MAP2K5: variants seen among roughly 807,000 people sequenced by gnomAD.
MAP2K5 encodes dual specificity mitogen-activated protein kinase kinase 5.
In MAP2K5, 49 loss-of-function variants were observed where a neutral mutation model predicts 83.1. The observed-to-expected ratio is 0.59, with a 90% CI of 0.47 to 0.75. The LOEUF is 0.75. MAP2K5 is among the 30% of genes least tolerant of loss of function. MAP2K5 has a pLI of 0.00. For synonymous variants in MAP2K5, 202 were observed against 191.8 expected (o/e 1.05, Z -0.44); for missense variants, 457 against 557.5 (o/e 0.82, Z 1.82).
chr15:67,695,505 C>T (rs1379543960), intron 15 of MAP2K5, among the ~76,000 whole-genome samples: 4 of 152,160 alleles, frequency 2.6e-5, no homozygotes. Context: ...ACCTTCCTTC[C>T]TCTACCAAGT....
Position 67,807,032 on chromosome 15 carries a change from C to T in MAP2K5, c.*282C>T. Reference sequence around the variant, plus strand: ...AGGCTCCCAGGGTCCCTGCCCACTTCTGTTTTCCTAATGTTTTTCTCTATA... The same window carrying T: ...AGGCTCCCAGGGTCCCTGCCCACTTTTGTTTTCCTAATGTTTTTCTCTATA... On this transcript the variant is annotated 3_prime_UTR_variant, in exon 22 of 22. Coordinates refer to ENST00000178640, the MANE Select transcript of MAP2K5 (RefSeq NM_145160.3). The surrounding 1 kb of genome is among the most constrained non-coding windows in gnomAD (Gnocchi z 5.1). 7.8e-7 allele frequency: 1 copy of T among 1,280,850 alleles called. No individual in the cohort carries two copies. The highest frequency in any genetic ancestry group is 1.0e-6 in the Non-Finnish European group (1 of 966,394). 79.3% of individuals were successfully genotyped at this position (1,280,850 alleles called of 1,614,324 possible).
intron 1 of MAP2K5, chr15:67,549,061 A>C (rs2084454758): frequency 6.6e-7 from 1 of 1,520,428 alleles, no homozygotes; most frequent in Admixed American, 2.0e-5. Context: ...GCTGAGAAAT[A>C]CTGCGAGCGG....
At position 67,764,637 on chromosome 15, in the gene MAP2K5, G is replaced by A. The variant is rs2090008590; in HGVS notation, c.1135-4965G>A. 6.6e-6 allele frequency among the ~76,000 whole-genome samples: 1 copy of A among 152,160 alleles called. No homozygotes were observed. Among genetic ancestry groups the A allele is most frequent in the Admixed American group, 6.5e-5 (1 of 15,282 alleles). The stretch of plus-strand genomic sequence containing the variant: ...TGCCAGGCTCATTGCGTTCCACATG[G>A]TAGATGCCCACAAAAGCTGTTGAAT... On this transcript the variant is annotated intron_variant, in intron 19 of 21. Transcript: ENST00000178640. The surrounding 1 kb of genome is among the most constrained non-coding windows in gnomAD (Gnocchi z 4.9).
chr15:67,735,294 A>G (rs2089314482), intron 17 of MAP2K5, among the ~76,000 whole-genome samples: 1 of 152,218 alleles, frequency 6.6e-6, no homozygotes, highest in Admixed American at 6.5e-5. Flanking sequence ...AGAAATGTGA[A>G]ATTCTTCATT....
chr15:67,670,348 A>C, intron 13 of MAP2K5: 1 of 453,426 alleles, frequency 2.2e-6, no homozygotes, highest in Admixed American at 2.4e-5. Flanking sequence ...GCATGAAGGA[A>C]CATTTTGGTA....
rs2090315986 is a variant in MAP2K5, at chr15:67,780,778, A to G, written c.1242+8026A>G. On this transcript the variant is annotated intron_variant, in intron 21 of 21. Coordinates refer to ENST00000178640, the MANE Select transcript of MAP2K5 (RefSeq NM_145160.3). This position sits in a 1 kb window ranked among gnomAD's most constrained non-coding sequence, Gnocchi z 5.0. ...AGGGATAATATTCAAAACATTTAAC[A>G]ACCAGTATAGCATGAGGATTACCGT... Among the ~76,000 whole-genome samples the G allele has an allele frequency of 6.6e-6, 1 of 152,238 alleles. No homozygotes were observed. Among genetic ancestry groups the G allele is most frequent in the Admixed American group, 6.5e-5 (1 of 15,286 alleles).
chr15:67,706,091 G>A (rs1393980423), intron 16 of MAP2K5, among the ~76,000 whole-genome samples: 3 of 152,208 alleles, frequency 2.0e-5, no homozygotes, highest in Admixed American at 6.5e-5. Flanking sequence ...ACAGGCAGGT[G>A]TGGAAACAGG....
At chr15:67,756,693 C>A (rs1053695615) in intron 19 of MAP2K5, among the ~76,000 whole-genome samples, 1 of 151,932 alleles carries the variant, frequency 6.6e-6, no homozygotes, top group Admixed American at 6.6e-5. Flanking sequence ...TCCTCATTTC[C>A]CCCACCCTCC....
At chr15:67,800,947 A>G (rs900986948) in intron 21 of MAP2K5, among the ~76,000 whole-genome samples, 1 of 152,242 alleles carries the variant, frequency 6.6e-6, no homozygotes, top group Non-Finnish European at 1.5e-5. Context: ...ACAGATCACC[A>G]GTATTCAGTG....
At position 67,664,657 on chromosome 15, in the gene MAP2K5, G is replaced by C. The variant is rs747152165; in HGVS notation, c.847+12G>C. On this transcript the variant is annotated intron_variant, in intron 13 of 21. Transcript: ENST00000178640. ...GATTTTACATAGAGGTATGTGCTGG[G>C]CTTATAAGCTTGGATTTAATTTGGG... 1 of 1,591,736 alleles carries C rather than the reference G, an allele frequency of 6.3e-7. No individual in the cohort carries two copies. Among genetic ancestry groups the C allele is most frequent in the Non-Finnish European group, 8.6e-7 (1 of 1,161,654 alleles).
rs1049448007 is a variant in MAP2K5, at chr15:67,738,138, C to G, written c.1075-10093C>G. Among the ~76,000 whole-genome samples the G allele has an allele frequency of 1.3e-5, 2 of 152,148 alleles. No homozygotes were observed. The highest frequency in any genetic ancestry group is 2.9e-5 in the Non-Finnish European group (2 of 68,030). ...GAGTACTGGGATTACAGGCGTGAGC[C>G]ACTGCACTTGGCCTAGAATAGTCTT... is the stretch of plus-strand genomic sequence containing the variant. On this transcript the variant is annotated intron_variant, in intron 17 of 21. Transcript: ENST00000178640. The surrounding 1 kb of genome is among the most constrained non-coding windows in gnomAD (Gnocchi z 4.1).
chr15:67,549,671 G>C (rs571421840), intron 1 of MAP2K5, among the ~76,000 whole-genome samples: 1 of 152,130 alleles, frequency 6.6e-6, no homozygotes, highest in South Asian at 2.1e-4. Flanking sequence ...TCAGACCTAC[G>C]TCAGTCTGAC....
At chr15:67,600,783 G>C (rs184742154) in intron 8 of MAP2K5, 34 bp downstream of exon 8, 2 of 1,529,290 alleles carry the variant, frequency 1.3e-6, no homozygotes, top group African/African-American at 2.8e-5. Flanking sequence ...CTTTCTATCC[G>C]CTTTTCCAAA....
intron 3 of MAP2K5, among the ~76,000 whole-genome samples, chr15:67,575,498 C>T (rs889325575): frequency 2.6e-5 from 4 of 152,164 alleles, no homozygotes; most frequent in African/African-American, 9.7e-5. Flanking sequence ...TATAACCTAA[C>T]CTGCACAGGG....
At chr15:67,765,037 G>A (rs904940472) in intron 19 of MAP2K5, among the ~76,000 whole-genome samples, 11 of 152,154 alleles carry the variant, frequency 7.2e-5, no homozygotes, top group African/African-American at 2.4e-4. Context: ...CTTTCACCCA[G>A]TTTCCCTCAA....
rs543838573 is a variant in MAP2K5 at position 67,677,339 on chromosome 15, A to G, written c.847+12694A>G. On this transcript the variant is annotated intron_variant, in intron 13 of 21. Coordinates refer to ENST00000178640, the MANE Select transcript of MAP2K5 (RefSeq NM_145160.3). The surrounding 1 kb of genome is among the most constrained non-coding windows in gnomAD (Gnocchi z 4.2). ...TCCTCCTCTGTAAAATGGGGTTAAT[A>G]ATAGTACCTATCTCAAGGGTTACAA... 6.6e-6 allele frequency among the ~76,000 whole-genome samples: 1 copy of G among 152,340 alleles called. No individual in the cohort carries two copies. Among genetic ancestry groups the G allele is most frequent in the East Asian group, 1.9e-4 (1 of 5,192 alleles).
intron 8 of MAP2K5, among the ~76,000 whole-genome samples, chr15:67,608,093 T>C (rs2085820440): frequency 6.6e-6 from 1 of 152,210 alleles, no homozygotes. Flanking sequence ...CCAGCAAAAG[T>C]GGTTGTGATC....
rs1338331794 is a variant in MAP2K5 at position 67,560,388 on chromosome 15, G to C, written c.185-2895G>C. The stretch of plus-strand genomic sequence containing the variant: ...AAAACGACTAAGCATAGATATTAAA[G>C]AGCAAATCAGACAGTCTCCCAAAGA... On this transcript the variant is annotated intron_variant, in intron 2 of 21. Coordinates refer to ENST00000178640, the MANE Select transcript of MAP2K5 (RefSeq NM_145160.3). Among the ~76,000 whole-genome samples, 14 of 152,322 alleles carry C rather than the reference G, an allele frequency of 9.2e-5. No individual in the cohort carries two copies. The East Asian group carries it at 2.5e-3, about 27-fold the overall frequency.
In MAP2K5 at chr15:67,724,664, GGC is replaced by G. The variant is rs1392128368; in HGVS notation, c.1045-3251_1045-3250del. Among the ~76,000 whole-genome samples, 1 of 152,140 alleles carries G rather than the reference GGC, an allele frequency of 6.6e-6. No individual in the cohort carries two copies. The highest frequency in any genetic ancestry group is 1.5e-5 in the Non-Finnish European group (1 of 68,022). Reference sequence around the variant, plus strand: ...CTTGATAAAAAGAGTTCTAGAGCCTGGCTATATGTTTCCTTCTACTTTTCTAT... The same window carrying G: ...CTTGATAAAAAGAGTTCTAGAGCCTGTATATGTTTCCTTCTACTTTTCTAT... On this transcript the variant is annotated intron_variant, in intron 16 of 21. Transcript: ENST00000178640. This position sits in a 1 kb window ranked among gnomAD's most constrained non-coding sequence, Gnocchi z 4.4.
Sources: allele counts gnomAD v4.1 joint callset (sites outside exome capture counted in the v4.1 genomes callset), GRCh38; gene constraint gnomAD v4.1.1; non-coding constraint Gnocchi (gnomAD v3.1); transcripts MANE v1.5; gene names NCBI Gene and HGNC (gene_info 2026-07-23, HGNC 2026-07-21).